MTMR8: variants seen among roughly 807,000 people sequenced by gnomAD.
MTMR8 encodes the protein myotubularin related protein 8, also known as phosphatidylinositol-3,5-bisphosphate 3-phosphatase MTMR8.
A neutral mutation model predicts 39.3 loss-of-function variants in MTMR8; 65 were observed. That is an observed-to-expected ratio of 1.65 (90% CI 1.35 to 2.03). MTMR8 has a LOEUF of 2.03. Among genes scored for constraint, MTMR8 ranks in the 30% most tolerant of loss-of-function variants. The pLI is 0.00. For synonymous variants in MTMR8, 245 were observed against 185.2 expected, an observed-to-expected ratio of 1.32 and a Z score of -2.62; for missense variants, 777 against 538.9, an observed-to-expected ratio of 1.44 and a Z score of -4.37.
At chrX:64,342,157 T>C (rs770239746) in intron 8 of MTMR8, among the ~76,000 whole-genome samples, 6 of 112,471 alleles carry the variant, frequency 5.3e-5, no homozygotes, top group Admixed American at 1.9e-4. Context: ...AGCAATTTGG[T>C]TCCCGAACTA....
At chrX:64,334,205 A>G (rs1923014680) in intron 10 of MTMR8, among the ~76,000 whole-genome samples, 1 of 110,331 alleles carries the variant, frequency 9.1e-6, no homozygotes, top group African/African-American at 3.3e-5. Context: ...CCCTATGCCA[A>G]ATAAGTCCCA....
intron 12 of MTMR8, among the ~76,000 whole-genome samples, chrX:64,302,373 C>T (rs778521014): frequency 9.5e-4 from 107 of 112,608 alleles, no homozygotes; most frequent in Non-Finnish European, 1.5e-3. Flanking sequence ...AAAGGGAACT[C>T]CCCGACCCCT....
At chrX:64,307,562 T>C (rs1922159743) in intron 12 of MTMR8, among the ~76,000 whole-genome samples, 4 of 111,649 alleles carry the variant, frequency 3.6e-5, no homozygotes, top group Admixed American at 2.9e-4. Context: ...TTCGTATCTA[T>C]CCCTCTACCA....
chrX:64,269,047 C>T lies in MTMR8; in HGVS notation c.1609-4G>A, dbSNP rs768211672. 11 of 1,202,234 alleles carry T rather than the reference C, an allele frequency of 9.1e-6. No homozygotes were observed. In the Admixed American group the frequency reaches 1.6e-4, roughly 17 times the overall value. On this transcript the variant is annotated splice_polypyrimidine_tract_variant and splice_region_variant and intron_variant, in intron 13 of 13. Transcript: ENST00000374852. ...GCTCATCACGGACTTTTAGTTTCTG[C>T]CTCAGGAGCAAGAAAGGGTTGAGAA... is the stretch of plus-strand genomic sequence containing the variant.
chrX:64,328,921 G>C (rs779993914), intron 11 of MTMR8, 21 bp from the exon 12 acceptor site: 2 of 1,176,642 alleles, frequency 1.7e-6, no homozygotes, highest in African/African-American at 3.6e-5. Context: ...AGAAAAACAA[G>C]CCAAAAAATT....
chrX:64,362,335 C>G (rs1923803758), intron 1 of MTMR8, among the ~76,000 whole-genome samples: 1 of 105,661 alleles, frequency 9.5e-6, no homozygotes, highest in South Asian at 4.2e-4. Flanking sequence ...AAGAACAAAA[C>G]CCCACAAATT....
chrX:64,327,957 T>C (rs1486886066), intron 12 of MTMR8, among the ~76,000 whole-genome samples: 1 of 112,379 alleles, frequency 8.9e-6, no homozygotes, highest in Non-Finnish European at 1.9e-5. Flanking sequence ...ATAATCACTC[T>C]ATACCTCATA....
chrX:64,363,677 C>A (rs970418929), intron 1 of MTMR8, among the ~76,000 whole-genome samples: 3 of 111,783 alleles, frequency 2.7e-5, no homozygotes, highest in Non-Finnish European at 5.6e-5. Context: ...GTGACCGACG[C>A]AAAAGATAGT....
At chrX:64,321,427 A>T (rs1333435357) in intron 12 of MTMR8, among the ~76,000 whole-genome samples, 1 of 112,390 alleles carries the variant, frequency 8.9e-6, no homozygotes, top group African/African-American at 3.2e-5. Context: ...TATGAAAAGT[A>T]CAATAATTGA....
chrX:64,382,800 T>C (rs1924462936), intron 1 of MTMR8, among the ~76,000 whole-genome samples: 1 of 111,502 alleles, frequency 9.0e-6, no homozygotes, highest in Non-Finnish European at 1.9e-5. Context: ...CAACAACAAA[T>C]TTAGGCCAAT....
chrX:64,337,285 T>C lies in MTMR8; in HGVS notation c.1084A>G (p.Thr362Ala), dbSNP rs1165368332. The change falls in exon 9 of 14, where the codon ACA becomes GCA. Residue 362 changes from threonine (T) to alanine (A), a missense_variant. By Grantham distance (58) the Thr-to-Ala change is moderately conservative. Coordinates refer to ENST00000374852, the MANE Select transcript of MTMR8 (RefSeq NM_017677.4). ...ASILLDPFYR[T>A]FKGLMILIEK... is the part of the protein sequence containing the mutation. The stretch of plus-strand genomic sequence containing the variant: ...TCTCTTACCATGAGTCCTTTGAATG[T>C]CCTATAAAATGGATCTAGGAGGATG... The C allele has an allele frequency of 8.3e-7, 1 of 1,210,042 alleles. No homozygotes were observed. The highest frequency in any genetic ancestry group is 2.2e-5 in the Admixed American group (1 of 45,899).
intron 12 of MTMR8, among the ~76,000 whole-genome samples, chrX:64,284,617 G>A (rs1921085219): frequency 8.9e-6 from 1 of 112,104 alleles, no homozygotes; most frequent in African/African-American, 3.2e-5. Context: ...CACACTAACA[G>A]AGAATCTCTC....
chrX:64,306,350 T>C (rs1012852113), intron 12 of MTMR8: 8 of 259,682 alleles, frequency 3.1e-5, no homozygotes, highest in South Asian at 5.4e-5. Context: ...ATGCAGCTTC[T>C]AACTGTAAAG....
At chrX:64,326,447 T>A (rs772513282) in intron 12 of MTMR8, among the ~76,000 whole-genome samples, 1 of 111,598 alleles carries the variant, frequency 9.0e-6, no homozygotes, top group African/African-American at 3.2e-5. Flanking sequence ...CCACTTACAA[T>A]AGTTACAAAA....
chrX:64,365,318 C>G (rs1034195328), intron 1 of MTMR8, among the ~76,000 whole-genome samples: 2 of 109,666 alleles, frequency 1.8e-5, no homozygotes, highest in Non-Finnish European at 3.8e-5. Flanking sequence ...TCAGATTCAC[C>G]AAGCTCTACA....
chrX:64,302,151 G>A (rs1030161020), intron 12 of MTMR8, among the ~76,000 whole-genome samples: 12 of 112,635 alleles, frequency 1.1e-4, no homozygotes, highest in African/African-American at 2.9e-4. Flanking sequence ...AATGGCGGGC[G>A]CCCCTCCCCC....
intron 1 of MTMR8, among the ~76,000 whole-genome samples, chrX:64,393,934 C>A (rs919873983): frequency 2.7e-5 from 3 of 112,345 alleles, no homozygotes; most frequent in African/African-American, 9.7e-5. Flanking sequence ...GTGAGCCGGG[C>A]AAATTTCATT....
Position 64,307,726 on chromosome X carries a change from C to CA in MTMR8, c.1481+21045dup, listed in dbSNP as rs781045932. Among the ~76,000 whole-genome samples, 50 of 111,220 alleles carry CA rather than the reference C, an allele frequency of 4.5e-4. No homozygotes were observed. In the East Asian group the frequency reaches 0.013, roughly 28 times the overall value. On this transcript the variant is annotated intron_variant, in intron 12 of 13. Transcript: ENST00000374852. The stretch of plus-strand genomic sequence containing the variant: ...TTTAGAATAATGTTGACTACATCTC[C>CA]AAAAAAAATCTGCCTGCGATTTTCA...
chrX:64,382,026 G>T (rs1230315838), intron 1 of MTMR8, among the ~76,000 whole-genome samples: 2 of 111,573 alleles, frequency 1.8e-5, no homozygotes, highest in Non-Finnish European at 3.8e-5. Flanking sequence ...ATAGTTTGAA[G>T]TCAGGTAGTG....
Sources: gnomAD v4.1 joint callset for allele counts (sites outside exome capture counted in the v4.1 genomes callset) on GRCh38, gnomAD v4.1.1 for gene constraint, MANE v1.5 for transcripts, NCBI Gene and HGNC (gene_info 2026-07-23, HGNC 2026-07-21) for gene names.